RMC1: variants seen among roughly 807,000 people sequenced by gnomAD.
RMC1 encodes regulator of MON1-CCZ1, also known as regulator of MON1-CCZ1 complex.
Under a neutral mutation model 95.5 loss-of-function variants are expected in RMC1, and 44 were observed. The ratio of observed to expected loss-of-function variants is 0.46; its 90% confidence interval spans 0.36 to 0.59. The LOEUF (loss-of-function observed/expected upper bound fraction) is 0.59. Ranked by LOEUF, RMC1 falls within the 20% of genes least tolerant of loss-of-function variation. RMC1 has a pLI of 0.00. For missense variants in RMC1, 705 were observed against 819.6 expected (o/e 0.86, Z 1.71); for synonymous variants, 320 against 303.6 (o/e 1.05, Z -0.56).
rs201936461 is a variant in RMC1 at position 23,503,593 on chromosome 18, C to T, written c.-26C>T. The T allele has an allele frequency of 6.7e-4, 1,019 of 1,531,504 alleles. 14 individuals are homozygous for T. The East Asian group carries it at 0.025, about 37-fold the overall frequency. 94.9% of individuals were successfully genotyped at this position (1,531,504 alleles called of 1,614,324 possible). ...TCCACTCTGGCGACCGCCCCCGGGG[C>T]CCCCGCCGCGGGCGCGGCGCCCGCC... On this transcript the variant is annotated 5_prime_UTR_variant, in exon 1 of 20. Transcript: ENST00000269221.
In RMC1 at chr18:23,529,722, A is replaced by C. The variant is rs1598916961; in HGVS notation, c.1494+10A>C. On this transcript the variant is annotated intron_variant, in intron 16 of 19. Coordinates refer to ENST00000269221, the MANE Select transcript of RMC1 (RefSeq NM_013326.5). Reference sequence around the variant, plus strand: ...TCAGATTGCAGTACAGGTACCTTCAAATCATCTGGGCCCAAGTTAAAACAG... The same window carrying C: ...TCAGATTGCAGTACAGGTACCTTCACATCATCTGGGCCCAAGTTAAAACAG... The C allele has an allele frequency of 1.2e-6, 2 of 1,608,126 alleles. No homozygotes were observed. The highest frequency in any genetic ancestry group is 1.7e-6 in the Non-Finnish European group (2 of 1,174,962).
intron 10 of RMC1, among the ~76,000 whole-genome samples, chr18:23,523,716 T>C (rs765048543): frequency 2.6e-5 from 4 of 151,918 alleles, no homozygotes; most frequent in Non-Finnish European, 5.9e-5. Flanking sequence ...AGCAACACCC[T>C]CTCTTAAAGA....
chr18:23,522,033 G>A (rs947255985), intron 10 of RMC1, among the ~76,000 whole-genome samples: 1 of 152,216 alleles, frequency 6.6e-6, no homozygotes, highest in Non-Finnish European at 1.5e-5. Flanking sequence ...GACCCAGCCT[G>A]CAGTCAGGAT....
At chr18:23,516,574 T>C (rs566540587) in intron 7 of RMC1, 151 bp downstream of exon 7, 3 of 727,392 alleles carry the variant, frequency 4.1e-6, no homozygotes, top group Non-Finnish European at 6.8e-6. Flanking sequence ...GTATAGGTCC[T>C]GTGAACATAG....
chr18:23,522,130 C>A (rs1230542961), intron 10 of RMC1, among the ~76,000 whole-genome samples: 1 of 152,252 alleles, frequency 6.6e-6, no homozygotes, highest in Non-Finnish European at 1.5e-5. Context: ...ACTGCCCTGT[C>A]TTGCTGGACC....
chr18:23,522,685 G>T (rs1021831590), intron 10 of RMC1: 1 of 152,214 alleles, frequency 6.6e-6, no homozygotes, highest in Non-Finnish European at 1.5e-5. Context: ...GAACAGATGC[G>T]AGGCCTGGTC....
chr18:23,527,943 C>T (rs765507334), intron 14 of RMC1, 42 bp downstream of exon 14: 2 of 1,455,248 alleles, frequency 1.4e-6, no homozygotes, highest in East Asian at 2.3e-5. Context: ...CCTCCCCCAC[C>T]CCCTCCCGGG....
rs1407710049 is a variant in RMC1, at chr18:23,529,646, T to G, written c.1428T>G (p.His476Gln). Residue 476 changes from histidine (H) to glutamine (Q), a missense_variant, in exon 16 of 20, where the codon CAT becomes CAG. Transcript: ENST00000269221. ...SAFVEKKEMP[H>Q]KFVIAVLMEY... ...TTTTTTCTCCCTAGGAGATGCCTCA[T>G]AAATTTGTGATAGCCGTGCTGATGG... is the stretch of plus-strand genomic sequence containing the variant. The G allele has an allele frequency of 6.2e-7, 1 of 1,614,138 alleles. No individual in the cohort carries two copies. Among genetic ancestry groups the G allele is most frequent in the Non-Finnish European group, 8.5e-7 (1 of 1,179,992 alleles).
At chr18:23,524,819 T>C in intron 12 of RMC1, among the ~76,000 whole-genome samples, 1 of 151,698 alleles carries the variant, frequency 6.6e-6, no homozygotes, top group Non-Finnish European at 1.5e-5. Flanking sequence ...TTCCCACCGG[T>C]GTCCGTGCCC....
chr18:23,507,118 T>A, intron 3 of RMC1, 64 bp downstream of exon 3: 1 of 1,145,796 alleles, frequency 8.7e-7, no homozygotes, highest in Non-Finnish European at 1.3e-6. Context: ...AGAGAAGGAA[T>A]CGCAAATTTT....
At chr18:23,531,562 A>C in intron 19 of RMC1, 63 bp from the exon 20 acceptor site, 1 of 1,586,824 alleles carries the variant, frequency 6.3e-7, no homozygotes, top group South Asian at 1.2e-5. Flanking sequence ...CACCTACGAG[A>C]TGCTTTCTTT....
intron 8 of RMC1, 34 bp from the exon 9 acceptor site, chr18:23,519,035 C>T (rs2058079247): frequency 1.2e-6 from 2 of 1,612,532 alleles, no homozygotes; most frequent in East Asian, 2.2e-5. Context: ...TGAACTGCAG[C>T]TTGTTGATCT....
intron 6 of RMC1, 33 bp downstream of exon 6, chr18:23,516,029 T>C: frequency 6.2e-7 from 1 of 1,613,760 alleles, no homozygotes; most frequent in South Asian, 1.1e-5. Flanking sequence ...AAAAACACCT[T>C]TCCCCAGTTG....
chr18:23,522,721 A>G (rs1045244868), intron 10 of RMC1: 6 of 152,340 alleles, frequency 3.9e-5, no homozygotes, highest in Non-Finnish European at 7.3e-5. Context: ...GCAGAGATCA[A>G]TAGGAGGAAA....
At chr18:23,516,064 T>G in intron 6 of RMC1, 68 bp downstream of exon 6, 1 of 1,602,980 alleles carries the variant, frequency 6.2e-7, no homozygotes, top group East Asian at 2.2e-5. Flanking sequence ...AGCATCCTAA[T>G]GTGTCAGGCA....
intron 14 of RMC1, chr18:23,528,620 T>C (rs2058379304): frequency 6.5e-6 from 1 of 153,726 alleles, no homozygotes; most frequent in South Asian, 2.0e-4. Flanking sequence ...ACAGTGTCCA[T>C]TCCTACGCTG....
intron 7 of RMC1, among the ~76,000 whole-genome samples, chr18:23,517,812 G>A (rs2145198101): frequency 6.6e-6 from 1 of 152,124 alleles, no homozygotes; most frequent in South Asian, 2.1e-4. Context: ...CCGCCTTCTA[G>A]GTTCAAGTGA....
chr18:23,516,555 G>C, intron 7 of RMC1, 132 bp downstream of exon 7: 1 of 838,210 alleles, frequency 1.2e-6, no homozygotes, highest in East Asian at 2.7e-5. Flanking sequence ...CTTGTTCTGG[G>C]TATTCAGTGT....
intron 13 of RMC1, 88 bp downstream of exon 13, chr18:23,526,853 G>T (rs932021596): frequency 6.6e-7 from 1 of 1,517,400 alleles, no homozygotes. Flanking sequence ...CTACATTGTT[G>T]TGTCTTGTCT....
Sources: allele counts gnomAD v4.1 joint callset (sites outside exome capture counted in the v4.1 genomes callset), GRCh38; gene constraint gnomAD v4.1.1; transcripts MANE v1.5; gene names NCBI Gene and HGNC (gene_info 2026-07-23, HGNC 2026-07-21).